The following LRP1B variants were observed in gnomAD, a reference collection of about 807,000 sequenced individuals.
LRP1B encodes the protein LDL receptor related protein 1B, also known as low-density lipoprotein receptor-related protein 1B.
Under a neutral mutation model 556.6 loss-of-function variants are expected in LRP1B, and 217 were observed. That is an observed-to-expected ratio of 0.39 (90% CI 0.35 to 0.44). LRP1B has a LOEUF of 0.44. Ranked by LOEUF, LRP1B falls within the 20% of genes least tolerant of loss-of-function variation. The pLI is 1.00. For synonymous variants in LRP1B, 2,047 were observed against 1,865.8 expected, an observed-to-expected ratio of 1.10 and a Z score of -2.50; for missense variants, 5,053 against 5,620.8, an observed-to-expected ratio of 0.90 and a Z score of 3.23.
At chr2:141,545,773 A>G (rs778347949) in intron 2 of LRP1B, among the ~76,000 whole-genome samples, 4 of 152,166 alleles carry the variant, frequency 2.6e-5, no homozygotes, top group Non-Finnish European at 5.9e-5. Flanking sequence ...GAGATGTGGC[A>G]TTGATGACTT....
intron 20 of LRP1B, among the ~76,000 whole-genome samples, chr2:140,946,137 A>G (rs910694092): frequency 2.7e-4 from 41 of 152,228 alleles, no homozygotes; most frequent in African/African-American, 9.6e-4. Context: ...AATGCAAATC[A>G]AAACCACAAT....
At chr2:141,060,916 T>C (rs910881801) in intron 8 of LRP1B, among the ~76,000 whole-genome samples, 11 of 151,660 alleles carry the variant, frequency 7.3e-5, no homozygotes, top group African/African-American at 2.7e-4. Flanking sequence ...ATACAGGCAA[T>C]AGACATGGGG....
At chr2:140,317,931 G>GA (rs1684599745) in intron 82 of LRP1B, among the ~76,000 whole-genome samples, 1 of 149,314 alleles carries the variant, frequency 6.7e-6, no homozygotes, top group Admixed American at 6.6e-5. Context: ...GTTCTATAAT[G>GA]AAAAAGAAAG....
intron 2 of LRP1B, among the ~76,000 whole-genome samples, chr2:141,777,118 G>C (rs1002695881): frequency 6.6e-6 from 1 of 152,146 alleles, no homozygotes; most frequent in African/African-American, 2.4e-5. Flanking sequence ...AAAGACTTTG[G>C]AGTAGCAGAG....
At chr2:141,059,148 C>A (rs1035648845) in intron 8 of LRP1B, 94 bp from the exon 9 acceptor site, 1 of 782,706 alleles carries the variant, frequency 1.3e-6, no homozygotes, top group Non-Finnish European at 1.9e-6. Context: ...TGGAAAATGG[C>A]CACAGCAGAA....
At chr2:141,724,006 C>A (rs1020638645) in intron 2 of LRP1B, among the ~76,000 whole-genome samples, 1 of 151,666 alleles carries the variant, frequency 6.6e-6, no homozygotes, top group Non-Finnish European at 1.5e-5. Flanking sequence ...AAAGGGAAAA[C>A]GATAAAGTTA....
intron 2 of LRP1B, among the ~76,000 whole-genome samples, chr2:141,709,608 T>A (rs1342930363): frequency 2.0e-5 from 3 of 152,104 alleles, no homozygotes; most frequent in Non-Finnish European, 2.9e-5. Context: ...TATTAAGACG[T>A]ATGAGTAAGT....
chr2:140,890,134 A>C (rs1299161766), intron 23 of LRP1B, among the ~76,000 whole-genome samples: 3 of 151,810 alleles, frequency 2.0e-5, no homozygotes, highest in Non-Finnish European at 2.9e-5. Context: ...AGATGGGTAC[A>C]TAATGTATAT....
intron 1 of LRP1B, among the ~76,000 whole-genome samples, chr2:141,986,471 C>T (rs1357077553): frequency 6.6e-6 from 1 of 151,720 alleles, no homozygotes; most frequent in Admixed American, 6.6e-5. Flanking sequence ...GCCAGTCTGC[C>T]AGGCTATTTT....
chr2:141,324,242 AAT>A (rs1342394550), intron 3 of LRP1B, among the ~76,000 whole-genome samples: 1 of 152,092 alleles, frequency 6.6e-6, no homozygotes, highest in Non-Finnish European at 1.5e-5. Context: ...CATAAACAAT[AAT>A]AGAGTAGTCC....
chr2:140,667,765 A>G (rs1307284448), intron 41 of LRP1B, among the ~76,000 whole-genome samples: 1 of 152,180 alleles, frequency 6.6e-6, no homozygotes, highest in African/African-American at 2.4e-5. Flanking sequence ...TTCTCTCAGA[A>G]TATACGCTTT....
At chr2:141,756,601 A>T (rs894468717) in intron 2 of LRP1B, among the ~76,000 whole-genome samples, 1 of 151,646 alleles carries the variant, frequency 6.6e-6, no homozygotes, top group African/African-American at 2.4e-5. Context: ...GCCAAATAAC[A>T]TTTGAAACAT....
At chr2:142,074,144 C>T (rs1489457782) in intron 1 of LRP1B, among the ~76,000 whole-genome samples, 7 of 151,942 alleles carry the variant, frequency 4.6e-5, no homozygotes, top group Non-Finnish European at 7.4e-5. Context: ...TAATTTATCA[C>T]CCCTCACTCA....
intron 7 of LRP1B, among the ~76,000 whole-genome samples, chr2:141,181,715 C>T (rs1681004733): frequency 6.6e-6 from 1 of 151,880 alleles, no homozygotes; most frequent in African/African-American, 2.4e-5. Flanking sequence ...CTCCAAGTTT[C>T]CCTGTTGTAT....
At chr2:142,128,646 A>C (rs1372695910) in intron 1 of LRP1B, among the ~76,000 whole-genome samples, 1 of 152,194 alleles carries the variant, frequency 6.6e-6, no homozygotes, top group Admixed American at 6.5e-5. Context: ...TGTTAAATAT[A>C]TAATAGTGGC....
chr2:141,947,525 A>G (rs927443676), intron 1 of LRP1B, among the ~76,000 whole-genome samples: 1 of 152,120 alleles, frequency 6.6e-6, no homozygotes, highest in Non-Finnish European at 1.5e-5. Flanking sequence ...AGGTAGGTAT[A>G]ACACTAGTGC....
chr2:142,120,328 T>G (rs1286536344), intron 1 of LRP1B, among the ~76,000 whole-genome samples: 1 of 152,126 alleles, frequency 6.6e-6, no homozygotes, highest in African/African-American at 2.4e-5. Context: ...GCCAGGTTGG[T>G]CTCAAACTCC....
chr2:140,313,952 TTATC>T (rs1684413410), intron 83 of LRP1B, among the ~76,000 whole-genome samples: 1 of 151,922 alleles, frequency 6.6e-6, no homozygotes, highest in South Asian at 2.1e-4. Context: ...AGACATAAAA[TTATC>T]TAACTTTTCC....
At chr2:141,378,760 A>T (rs186208067) in intron 3 of LRP1B, among the ~76,000 whole-genome samples, 8 of 152,348 alleles carry the variant, frequency 5.3e-5, no homozygotes, top group Admixed American at 5.2e-4. Flanking sequence ...TGAACAGCAG[A>T]TTTGAGCAGG....
Sources: gnomAD v4.1 joint callset for allele counts (sites outside exome capture counted in the v4.1 genomes callset) on GRCh38, gnomAD v4.1.1 for gene constraint, MANE v1.5 for transcripts, NCBI Gene and HGNC (gene_info 2026-07-23, HGNC 2026-07-21) for gene names.